The following TRMT1 variants were observed in gnomAD, a reference collection of about 807,000 sequenced individuals.
The protein encoded by TRMT1 is tRNA methyltransferase 1.
A neutral mutation model predicts 75.4 loss-of-function variants in TRMT1; 63 were observed. That is an observed-to-expected ratio of 0.84 (90% CI 0.68 to 1.03). TRMT1 has a LOEUF of 1.03. Among genes scored for constraint, TRMT1 ranks in the 50% least tolerant of loss-of-function variants. TRMT1 has a pLI of 0.00. For synonymous variants in TRMT1, 382 were observed against 358.1 expected, an observed-to-expected ratio of 1.07 and a Z score of -0.75; for missense variants, 870 against 905.3, an observed-to-expected ratio of 0.96 and a Z score of 0.50.
chr19:13,107,283 C>T (rs1204313141), intron 14 of TRMT1, among the ~76,000 whole-genome samples: 1 of 151,998 alleles, frequency 6.6e-6, no homozygotes, highest in South Asian at 2.1e-4. Flanking sequence ...TACAGGCACC[C>T]ACCACCACAC....
chr19:13,105,397 C>G lies in TRMT1; in HGVS notation c.1704-1G>C. 10 of 1,613,694 alleles carry G rather than the reference C, an allele frequency of 6.2e-6. No homozygotes were observed. The highest frequency in any genetic ancestry group is 1.1e-5 in the South Asian group (1 of 91,076). On this transcript the variant is annotated splice_acceptor_variant, in intron 15 of 16. Transcript: ENST00000357720. LOFTEE classifies it high-confidence loss of function. ...CATAGCTTCGTCGGCCGCCTTGCCC[C>G]TGTGCGAGGGGAGGAGTAGGTGGGA...
chr19:13,105,648 C>A, intron 14 of TRMT1, 42 bp from the exon 15 acceptor site: 1 of 1,573,220 alleles, frequency 6.4e-7, no homozygotes, highest in Non-Finnish European at 8.7e-7. Flanking sequence ...GGGGAAGCTG[C>A]CACACGAGTG....
intron 1 of TRMT1, 26 bp downstream of exon 1, chr19:13,116,626 TC>T (rs2019377154): frequency 1.6e-6 from 1 of 613,828 alleles, no homozygotes; most frequent in Non-Finnish European, 2.8e-6. Context: ...TCCGAATCCC[TC>T]CCCGCGCTGC....
In TRMT1 at chr19:13,115,986, C is replaced by T. The variant is rs1473429861; in HGVS notation, c.310+11G>A. ...GACCCCCGCCCACCAGAAGCCTGGA[C>T]CTCCACTCACTCTGGATTCCTTTGG... On this transcript the variant is annotated intron_variant, in intron 3 of 16. Coordinates refer to ENST00000357720, the MANE Select transcript of TRMT1 (RefSeq NM_001136035.4). The T allele has an allele frequency of 6.2e-7, 1 of 1,613,966 alleles. No homozygotes were observed. The highest frequency in any genetic ancestry group is 1.7e-5 in the Admixed American group (1 of 60,012).
rs147062421 is a variant in TRMT1 at position 13,112,759 on chromosome 19, C to T, written c.816G>A (p.Thr272=). The stretch of plus-strand genomic sequence containing the variant: ...CCATGGCCCCGTACTTGCTGTAGCA[C>T]GTCTCCCCGCTGTTCCCCGCCAACA... ...MAVLAGNSGE[T]CYSKYGAMAL... is the part of the protein sequence containing the mutation. Residue 272 remains threonine, a synonymous_variant, in exon 7 of 17, where the codon ACG becomes ACA. Transcript: ENST00000357720. 711 of 1,613,910 alleles carry T rather than the reference C, an allele frequency of 4.4e-4. 5 individuals are homozygous for T. The African/African-American group carries it at 5.4e-3, about 12-fold the overall frequency.
In TRMT1 at chr19:13,105,354, C is replaced by T. The variant is rs1388441670; in HGVS notation, c.1746G>A (p.Leu582=). ...ADEAMEERRR[L]LQNKRKEPPE... Reference sequence around the variant, plus strand: ...GCGGCTCCTTCCGCTTGTTCTGAAGCAGCCTGCGTCTCTCCTCCATAGCTT... The same window carrying T: ...GCGGCTCCTTCCGCTTGTTCTGAAGTAGCCTGCGTCTCTCCTCCATAGCTT... Residue 582 remains leucine, a synonymous_variant, in exon 16 of 17, where the codon CTG becomes CTA. Coordinates refer to ENST00000357720, the MANE Select transcript of TRMT1 (RefSeq NM_001136035.4). 3 of 1,613,818 alleles carry T rather than the reference C, an allele frequency of 1.9e-6. No homozygotes were observed. Among genetic ancestry groups the T allele is most frequent in the Non-Finnish European group, 2.5e-6 (3 of 1,180,036 alleles).
intron 10 of TRMT1, 21 bp from the exon 11 acceptor site, chr19:13,109,705 G>A (rs1221630500): frequency 1.2e-6 from 2 of 1,613,854 alleles, no homozygotes; most frequent in African/African-American, 1.3e-5. Flanking sequence ...ACCGGGGACA[G>A]GTGAGCAGGG....
intron 7 of TRMT1, among the ~76,000 whole-genome samples, chr19:13,111,699 A>ATT (rs552128343): frequency 1.5e-5 from 2 of 131,214 alleles, no homozygotes; most frequent in African/African-American, 2.9e-5. Flanking sequence ...CGCCCGGCCT[A>ATT]TTTTTTTTTC....
At chr19:13,110,541 G>C (rs76328027) in intron 7 of TRMT1, among the ~76,000 whole-genome samples, 46 of 152,340 alleles carry the variant, frequency 3.0e-4, no homozygotes, top group African/African-American at 1.1e-3. Flanking sequence ...GGCACTAAAC[G>C]AGTGAGGAAA....
In TRMT1 at chr19:13,115,335, C is replaced by G; in HGVS notation, c.585G>C (p.Arg195=). Residue 195 remains arginine (R), a synonymous_variant, in exon 5 of 17, where the codon CGG becomes CGC. Coordinates refer to ENST00000357720, the MANE Select transcript of TRMT1 (RefSeq NM_001136035.4). ...GGGCCACGTCATTGAGCTGGACATT[C>G]CGGCGTATGAGATCCACAGCCCGGG... The part of the protein sequence containing the change: ...ASTRAVDLIR[R]NVQLNDVAHL... The G allele has an allele frequency of 5.6e-6, 9 of 1,614,060 alleles. No homozygotes were observed. The highest frequency in any genetic ancestry group is 7.6e-6 in the Non-Finnish European group (9 of 1,180,020).
chr19:13,116,267 C>T lies in TRMT1; in HGVS notation c.133G>A (p.Gly45Arg). ...TGGACTTCACGTGGACGTTCTTCTC[C>T]GTAGGGCCCGGTGCCGTTCTCCATC... Reference protein sequence around the residue: ...AAMENGTGPYGEERPREVQET... With the variant: ...AAMENGTGPYREERPREVQET... The change falls in exon 2 of 17, where the codon GGA becomes AGA. Residue 45 changes from glycine to arginine, a missense_variant. Physicochemically the swap from Gly to Arg is moderately radical, Grantham distance 125. Coordinates refer to ENST00000357720, the MANE Select transcript of TRMT1 (RefSeq NM_001136035.4). 1 of 1,614,176 alleles carries T rather than the reference C, an allele frequency of 6.2e-7. No individual in the cohort carries two copies.
chr19:13,113,412 C>T (rs2019216663), intron 5 of TRMT1, among the ~76,000 whole-genome samples: 1 of 151,912 alleles, frequency 6.6e-6, no homozygotes, highest in Non-Finnish European at 1.5e-5. Flanking sequence ...GATCCATCCA[C>T]CTCGGCCTCC....
chr19:13,110,430 A>C (rs2019097880), intron 7 of TRMT1, 124 bp from the exon 8 acceptor site: 1 of 1,194,522 alleles, frequency 8.4e-7, no homozygotes, highest in South Asian at 1.6e-5. Flanking sequence ...CACCCCTGAA[A>C]GTCCTGGCTG....
chr19:13,106,306 C>A (rs1385682715), intron 14 of TRMT1, among the ~76,000 whole-genome samples: 1 of 151,972 alleles, frequency 6.6e-6, no homozygotes, highest in African/African-American at 2.4e-5. Context: ...TTCCTGGGCT[C>A]AAGCGATCTT....
At chr19:13,115,928 C>T (rs1418465082) in intron 3 of TRMT1, 69 bp downstream of exon 3, 4 of 1,612,290 alleles carry the variant, frequency 2.5e-6, no homozygotes, top group East Asian at 2.2e-5. Flanking sequence ...ATTTGGGCGG[C>T]AGAAGAGCCC....
chr19:13,106,642 A>ATTT (rs35374756), intron 14 of TRMT1, among the ~76,000 whole-genome samples: 6 of 131,858 alleles, frequency 4.6e-5, no homozygotes, highest in Middle Eastern at 3.8e-3. Flanking sequence ...CACCTGGCTA[A>ATTT]TTTTTTTTTT....
At chr19:13,114,883 A>C (rs2019277079) in intron 5 of TRMT1, among the ~76,000 whole-genome samples, 1 of 152,194 alleles carries the variant, frequency 6.6e-6, no homozygotes, top group Non-Finnish European at 1.5e-5. Flanking sequence ...AAAGGCTGTG[A>C]GCCCCACAGG....
chr19:13,108,996 A>G (rs2019008747), intron 12 of TRMT1, among the ~76,000 whole-genome samples: 1 of 142,020 alleles, frequency 7.0e-6, no homozygotes, highest in Admixed American at 7.4e-5. Flanking sequence ...AGCTCACTTT[A>G]GCATCAAACT....
At position 13,112,767 on chromosome 19, in the gene TRMT1, C is replaced by T. The variant is rs564893039; in HGVS notation, c.808G>A (p.Gly270Arg). The change falls in exon 7 of 17, where the codon GGG (glycine) becomes AGG (arginine). Residue 270 changes from glycine (G) to arginine (R), a missense_variant. Physicochemically the swap from Gly to Arg is moderately radical, Grantham distance 125. Coordinates refer to ENST00000357720, the MANE Select transcript of TRMT1 (RefSeq NM_001136035.4). ...TDMAVLAGNS[G>R]ETCYSKYGAM... ...CCGTACTTGCTGTAGCACGTCTCCC[C>T]GCTGTTCCCCGCCAACACCGCCATG... 3.1e-6 allele frequency: 5 copies of T among 1,614,022 alleles called. No individual in the cohort carries two copies. Among genetic ancestry groups the T allele is most frequent in the East Asian group, 4.5e-5 (2 of 44,888 alleles).
Sources: gnomAD v4.1 joint callset for allele counts (sites outside exome capture counted in the v4.1 genomes callset) on GRCh38, gnomAD v4.1.1 for gene constraint, MANE v1.5 for transcripts, NCBI Gene and HGNC (gene_info 2026-07-23, HGNC 2026-07-21) for gene names.